The following SGCZ variants were observed in gnomAD, a reference collection of about 807,000 sequenced individuals.
The protein encoded by SGCZ is zeta-sarcoglycan.
Under a neutral mutation model 41.3 loss-of-function variants are expected in SGCZ, and 40 were observed. The ratio of observed to expected loss-of-function variants is 0.97; its 90% CI spans 0.75 to 1.26. SGCZ has a LOEUF of 1.26. Ranked by LOEUF, SGCZ falls within the 50% of genes most tolerant of loss-of-function variation. The probability of loss-of-function intolerance (pLI) is 0.00; values close to 1 mark genes in which losing one functional copy is unlikely to be tolerated. For missense variants in SGCZ, 552 were observed against 369.8 expected, an observed-to-expected ratio of 1.49 and a Z score of -4.04; for synonymous variants, 206 against 137.5, an observed-to-expected ratio of 1.50 and a Z score of -3.49.
chr8:15,086,809 T>C (rs73525006), intron 1 of SGCZ, among the ~76,000 whole-genome samples: 3 of 152,292 alleles, frequency 2.0e-5, no homozygotes, highest in Middle Eastern at 3.4e-3. Flanking sequence ...CTCTGCATTG[T>C]CTTTCTGGAG....
At chr8:14,993,203 G>C (rs1286543456) in intron 1 of SGCZ, among the ~76,000 whole-genome samples, 1 of 152,116 alleles carries the variant, frequency 6.6e-6, no homozygotes, top group African/African-American at 2.4e-5. Flanking sequence ...CTCACGAAGA[G>C]TAACCTTTGC....
At chr8:14,990,378 T>A (rs898880547) in intron 1 of SGCZ, among the ~76,000 whole-genome samples, 1 of 132,242 alleles carries the variant, frequency 7.6e-6, no homozygotes. Flanking sequence ...GCATAGGAGC[T>A]GAGTGGCAAG....
At chr8:15,063,711 A>G (rs1269166028) in intron 1 of SGCZ, among the ~76,000 whole-genome samples, 1 of 152,230 alleles carries the variant, frequency 6.6e-6, no homozygotes, top group Non-Finnish European at 1.5e-5. Flanking sequence ...GTGAACCAGA[A>G]TGCATGACTG....
intron 2 of SGCZ, among the ~76,000 whole-genome samples, chr8:14,349,906 C>G (rs1375145794): frequency 6.6e-6 from 1 of 152,046 alleles, no homozygotes; most frequent in African/African-American, 2.4e-5. Context: ...ACAGGATAAT[C>G]AAAAGCTCAG....
intron 2 of SGCZ, among the ~76,000 whole-genome samples, chr8:14,411,401 C>G (rs1038347898): frequency 3.3e-5 from 5 of 152,120 alleles, no homozygotes; most frequent in Non-Finnish European, 5.9e-5. Context: ...TAAGGTCATG[C>G]CTACTTCAAT....
chr8:14,315,966 C>T (rs1896212), intron 3 of SGCZ, among the ~76,000 whole-genome samples: 138,863 of 151,816 alleles, frequency 0.91, 63,662 homozygotes, highest in Middle Eastern at 0.94. Flanking sequence ...AAATTTTGTA[C>T]GAATACAAAA....
intron 1 of SGCZ, among the ~76,000 whole-genome samples, chr8:14,700,012 G>A (rs916002776): frequency 6.6e-6 from 1 of 151,958 alleles, no homozygotes; most frequent in African/African-American, 2.4e-5. Flanking sequence ...TGGCAGAAAT[G>A]TAAATTTGTT....
Position 14,290,254 on chromosome 8 carries a change from G to C in SGCZ, c.336+33849C>G, listed in dbSNP as rs139435253. ...AAACTACAAGAAGGAAACATAGAGG[G>C]AAATTTCCATAACATTGGTCTAGGC... On this transcript the variant is annotated intron_variant, in intron 3 of 7. Coordinates refer to ENST00000382080, the MANE Select transcript of SGCZ (RefSeq NM_139167.4). Among the ~76,000 whole-genome samples the C allele has an allele frequency of 3.0e-3, 454 of 152,138 alleles. 2 individuals are homozygous for C. The highest frequency in any genetic ancestry group is 0.01 in the African/African-American group (435 of 41,490).
chr8:14,805,853 A>G (rs1202830363), intron 1 of SGCZ, among the ~76,000 whole-genome samples: 1 of 151,558 alleles, frequency 6.6e-6, no homozygotes, highest in Non-Finnish European at 1.5e-5. Flanking sequence ...CAGCAAATGT[A>G]AAAGAACAGA....
intron 3 of SGCZ, among the ~76,000 whole-genome samples, chr8:14,261,995 T>C (rs1799684502): frequency 6.6e-6 from 1 of 152,150 alleles, no homozygotes; most frequent in Non-Finnish European, 1.5e-5. Flanking sequence ...TTTGACCAAC[T>C]CCTACTCTAA....
At chr8:14,141,251 G>A (rs188515218) in intron 5 of SGCZ, among the ~76,000 whole-genome samples, 2 of 152,278 alleles carry the variant, frequency 1.3e-5, no homozygotes, top group Admixed American at 1.3e-4. Context: ...CAGGACACAG[G>A]CATGGGCAAG....
At chr8:14,463,158 T>C (rs776552057) in intron 2 of SGCZ, among the ~76,000 whole-genome samples, 1 of 151,682 alleles carries the variant, frequency 6.6e-6, no homozygotes. Flanking sequence ...CCTTTCCAAT[T>C]TGTCATTTAT....
intron 2 of SGCZ, among the ~76,000 whole-genome samples, chr8:14,520,109 T>C (rs1164316632): frequency 6.6e-6 from 1 of 152,132 alleles, no homozygotes; most frequent in Non-Finnish European, 1.5e-5. Context: ...GTCAGCTTGA[T>C]TTATAATACA....
At chr8:14,896,996 C>T (rs919576412) in intron 1 of SGCZ, among the ~76,000 whole-genome samples, 2 of 150,538 alleles carry the variant, frequency 1.3e-5, no homozygotes, top group African/African-American at 4.9e-5. Context: ...ATTGGTCAGG[C>T]TGGTCTCGAA....
chr8:14,761,527 A>ATTTT (rs1414823298), intron 1 of SGCZ, among the ~76,000 whole-genome samples: 4 of 140,480 alleles, frequency 2.8e-5, no homozygotes, highest in Non-Finnish European at 6.1e-5. Flanking sequence ...TATTTTATTT[A>ATTTT]TTTATTTATT....
At chr8:14,277,953 C>T (rs1041243662) in intron 3 of SGCZ, among the ~76,000 whole-genome samples, 1 of 152,038 alleles carries the variant, frequency 6.6e-6, no homozygotes, top group Non-Finnish European at 1.5e-5. Context: ...AAGAAGTCAT[C>T]GCCATGCCCA....
chr8:14,924,310 T>C (rs1033719732), intron 1 of SGCZ, among the ~76,000 whole-genome samples: 2 of 152,200 alleles, frequency 1.3e-5, no homozygotes, highest in South Asian at 2.1e-4. Flanking sequence ...TGTTAATCTA[T>C]GGTTTGTCAA....
At chr8:14,481,750 C>G (rs1373185333) in intron 2 of SGCZ, among the ~76,000 whole-genome samples, 1 of 152,030 alleles carries the variant, frequency 6.6e-6, no homozygotes, top group Non-Finnish European at 1.5e-5. Context: ...AAATTAAAAA[C>G]TTTTAAATTG....
intron 1 of SGCZ, among the ~76,000 whole-genome samples, chr8:15,074,924 C>A (rs1377514348): frequency 6.6e-6 from 1 of 152,136 alleles, no homozygotes; most frequent in Non-Finnish European, 1.5e-5. Context: ...CTGACCCTAT[C>A]CCTTACTGCT....
Sources: allele counts gnomAD v4.1 joint callset (sites outside exome capture counted in the v4.1 genomes callset), GRCh38; gene constraint gnomAD v4.1.1; transcripts MANE v1.5; gene names NCBI Gene and HGNC (gene_info 2026-07-23, HGNC 2026-07-21).